Variants in ALPK2 observed in about 807,000 individuals in gnomAD.
The protein encoded by ALPK2 is alpha kinase 2, also known as alpha-protein kinase 2.
A neutral mutation model predicts 163.1 loss-of-function variants in ALPK2; 127 were observed. That is an observed-to-expected ratio of 0.78 (90% confidence interval 0.67 to 0.90). The LOEUF is 0.90. Among genes scored for constraint, ALPK2 ranks in the 40% least tolerant of loss-of-function variants. ALPK2 has a pLI of 0.00. For missense variants in ALPK2, 2,360 were observed against 2,589.6 expected (o/e 0.91, Z 1.92); for synonymous variants, 953 against 959.1 (o/e 0.99, Z 0.12).
At chr18:58,558,238 T>A (rs1274134670) in intron 4 of ALPK2, among the ~76,000 whole-genome samples, 1 of 152,178 alleles carries the variant, frequency 6.6e-6, no homozygotes, top group Non-Finnish European at 1.5e-5. Context: ...AAAGAATAAT[T>A]AGCATCCAAA....
chr18:58,611,143 T>C (rs1211379718), intron 2 of ALPK2, among the ~76,000 whole-genome samples: 5 of 147,806 alleles, frequency 3.4e-5, no homozygotes, highest in Admixed American at 6.7e-5. Flanking sequence ...CCAGGTACAG[T>C]GGTGCGTGCC....
chr18:58,498,064 G>T lies in ALPK2; in HGVS notation c.6281C>A (p.Ala2094Glu). 6.2e-7 allele frequency: 1 copy of T among 1,614,116 alleles called. No homozygotes were observed. The highest frequency in any genetic ancestry group is 8.5e-7 in the Non-Finnish European group (1 of 1,180,000). ...TCCTACTCACCCTTTAGCCAGCGTT[G>T]CTATGCCAACGTCAGTTAGCTTCAT... ...VGMKLTDVGI[A>E]TLAKGYKGFK... Residue 2094 changes from alanine (A) to glutamate (E), a missense_variant, in exon 12 of 13, where the codon GCA (alanine) becomes GAA (glutamate). Ala to Glu is a moderately radical substitution (Grantham distance 107, BLOSUM62 -1). Coordinates refer to ENST00000361673, the MANE Select transcript of ALPK2 (RefSeq NM_052947.4).
chr18:58,496,589 A>G (rs1158408165), intron 12 of ALPK2, among the ~76,000 whole-genome samples: 1 of 152,164 alleles, frequency 6.6e-6, no homozygotes, highest in Non-Finnish European at 1.5e-5. Context: ...TCTGTCCTTT[A>G]TTGAAGCTGA....
intron 10 of ALPK2, among the ~76,000 whole-genome samples, chr18:58,513,671 G>A (rs916389496): frequency 6.6e-6 from 1 of 152,224 alleles, no homozygotes; most frequent in Non-Finnish European, 1.5e-5. Flanking sequence ...GAGGCCAGGA[G>A]TTGTAGGCCA....
chr18:58,519,120 G>A (rs1371966850), intron 8 of ALPK2, among the ~76,000 whole-genome samples: 1 of 152,056 alleles, frequency 6.6e-6, no homozygotes, highest in Non-Finnish European at 1.5e-5. Context: ...CAGGCAAATG[G>A]GACATTTTCT....
At chr18:58,573,234 G>GTGTATAAATGTGTATATA (rs2051895942) in intron 4 of ALPK2, among the ~76,000 whole-genome samples, 3 of 116,506 alleles carry the variant, frequency 2.6e-5, no homozygotes, top group Non-Finnish European at 5.3e-5. Flanking sequence ...GTGTATATGT[G>GTGTATAAATGTGTATATA]TGTATATATG....
At chr18:58,618,108 C>T (rs750732303) in intron 1 of ALPK2, among the ~76,000 whole-genome samples, 3 of 152,152 alleles carry the variant, frequency 2.0e-5, no homozygotes, top group Admixed American at 6.5e-5. Context: ...TGCAATGGCA[C>T]GATCTCGGGT....
At chr18:58,497,302 G>C (rs779665272) in intron 12 of ALPK2, among the ~76,000 whole-genome samples, 4 of 152,210 alleles carry the variant, frequency 2.6e-5, no homozygotes, top group Non-Finnish European at 5.9e-5. Flanking sequence ...GATGGTCTTA[G>C]TACGTAGGAA....
At chr18:58,533,637 G>C (rs941093759) in intron 5 of ALPK2, among the ~76,000 whole-genome samples, 1 of 151,762 alleles carries the variant, frequency 6.6e-6, no homozygotes, top group South Asian at 2.1e-4. Flanking sequence ...TGTATTTTTC[G>C]TAGAGATGGG....
Position 58,536,851 on chromosome 18 carries a change from C to T in ALPK2, c.3336G>A (p.Gln1112=). The T allele has an allele frequency of 6.2e-7, 1 of 1,614,150 alleles. No homozygotes were observed. The highest frequency in any genetic ancestry group is 8.5e-7 in the Non-Finnish European group (1 of 1,180,028). ...TCCTAAAGTCTGCTCTGTCCACAGT[C>T]TGGCTCTTATCTCCAGACAGGTTAT... The part of the protein sequence containing the change: ...QVDNLSGDKS[Q]TVDRADFRSY... The change falls in exon 5 of 13, where the codon CAG becomes CAA. Residue 1112 remains glutamine, a synonymous_variant. Coordinates refer to ENST00000361673, the MANE Select transcript of ALPK2 (RefSeq NM_052947.4).
intron 1 of ALPK2, among the ~76,000 whole-genome samples, chr18:58,624,365 G>T (rs1187879475): frequency 3.3e-5 from 5 of 152,086 alleles, no homozygotes; most frequent in Admixed American, 3.3e-4. Flanking sequence ...GAAACAGCAG[G>T]GTCCTGACCA....
At chr18:58,494,704 A>G (rs2051392779) in intron 12 of ALPK2, among the ~76,000 whole-genome samples, 1 of 152,042 alleles carries the variant, frequency 6.6e-6, no homozygotes, top group Non-Finnish European at 1.5e-5. Context: ...AAGCTCACTC[A>G]CAGTTGCTTG....
Position 58,573,481 on chromosome 18 carries a change from G to A in ALPK2, c.1962+5333C>T, listed in dbSNP as rs370450281. Among the ~76,000 whole-genome samples, 96 of 148,522 alleles carry A rather than the reference G, an allele frequency of 6.5e-4. 1 individual carries two copies. In the South Asian group the frequency reaches 0.02, roughly 31 times the overall value. Reference sequence around the variant, plus strand: ...TGGTCTTGAACTCCTGGGCTCAAGCGAGTCCAACGGCCTTGGATTCCCAAA... The same window carrying A: ...TGGTCTTGAACTCCTGGGCTCAAGCAAGTCCAACGGCCTTGGATTCCCAAA... On this transcript the variant is annotated intron_variant, in intron 4 of 12. Transcript: ENST00000361673.
chr18:58,538,324 T>C, intron 4 of ALPK2, 100 bp from the exon 5 acceptor site: 5 of 1,040,744 alleles, frequency 4.8e-6, no homozygotes, highest in Non-Finnish European at 7.0e-6. Context: ...ATGACCGTAA[T>C]AATGGACAAG....
intron 11 of ALPK2, among the ~76,000 whole-genome samples, chr18:58,499,954 G>C (rs2051423220): frequency 6.6e-6 from 1 of 152,264 alleles, no homozygotes. Flanking sequence ...GGAAAAGACA[G>C]CTAAAGGATT....
intron 3 of ALPK2, among the ~76,000 whole-genome samples, chr18:58,591,187 T>C (rs2052013096): frequency 1.3e-5 from 2 of 152,206 alleles, no homozygotes; most frequent in South Asian, 4.1e-4. Context: ...GGCTCAATCA[T>C]CTGTGCAACC....
At chr18:58,523,759 T>A (rs751503060) in intron 8 of ALPK2, 47 bp downstream of exon 8, 3 of 1,613,126 alleles carry the variant, frequency 1.9e-6, no homozygotes, top group Non-Finnish European at 2.5e-6. Context: ...ATTTTATGCT[T>A]TACAGTAAGC....
At chr18:58,604,819 T>C (rs931322537) in intron 3 of ALPK2, among the ~76,000 whole-genome samples, 6 of 152,188 alleles carry the variant, frequency 3.9e-5, no homozygotes, top group Admixed American at 3.9e-4. Flanking sequence ...GGTGACTCCC[T>C]GAACCTTCCA....
At chr18:58,612,134 G>T (rs763686966) in intron 1 of ALPK2, among the ~76,000 whole-genome samples, 1 of 147,420 alleles carries the variant, frequency 6.8e-6, no homozygotes, top group East Asian at 1.9e-4. Context: ...GCAGGGGAAT[G>T]GGGGGGTGCC....
Sources: gnomAD v4.1 joint callset for allele counts (sites outside exome capture counted in the v4.1 genomes callset) on GRCh38, gnomAD v4.1.1 for gene constraint, MANE v1.5 for transcripts, NCBI Gene and HGNC (gene_info 2026-07-23, HGNC 2026-07-21) for gene names.